Variants in PTPRN2 observed in about 807,000 individuals in gnomAD.
PTPRN2 encodes receptor-type tyrosine-protein phosphatase N2.
PTPRN2 carries 74 observed loss-of-function variants against 118.8 expected under a neutral mutation model. That is an observed-to-expected ratio of 0.62 (90% CI 0.52 to 0.76). PTPRN2 has a LOEUF of 0.76. Ranked by LOEUF, PTPRN2 falls within the 30% of genes least tolerant of loss-of-function variation. The pLI, the probability that PTPRN2 is intolerant of heterozygous loss-of-function variation, is 0.00. For synonymous variants in PTPRN2, 641 were observed against 608.0 expected (o/e 1.05, Z -0.80); for missense variants, 1,481 against 1,394.4 (o/e 1.06, Z -0.99).
chr7:157,757,971 C>T (rs1199964728), intron 12 of PTPRN2, among the ~76,000 whole-genome samples: 1 of 151,840 alleles, frequency 6.6e-6, no homozygotes. Flanking sequence ...GGCAGCACCA[C>T]GTGGTGGATC....
At chr7:158,420,339 T>A (rs1382025204) in intron 2 of PTPRN2, among the ~76,000 whole-genome samples, 1 of 152,142 alleles carries the variant, frequency 6.6e-6, no homozygotes, top group Non-Finnish European at 1.5e-5. Context: ...TGACCACGGG[T>A]TACCTTGGAT....
intron 5 of PTPRN2, among the ~76,000 whole-genome samples, chr7:158,177,378 C>G (rs1457553976): frequency 6.6e-6 from 1 of 152,046 alleles, no homozygotes; most frequent in Non-Finnish European, 1.5e-5. Context: ...TATGAAGTAT[C>G]CGTTCAAAGT....
intron 1 of PTPRN2, among the ~76,000 whole-genome samples, chr7:158,523,676 A>G (rs1298729499): frequency 7.0e-6 from 1 of 141,946 alleles, no homozygotes; most frequent in Admixed American, 7.1e-5. Flanking sequence ...TCTGCCCTGG[A>G]GCGGAGTCGT....
chr7:158,445,466 AG>A (rs770604306), intron 2 of PTPRN2, among the ~76,000 whole-genome samples: 8 of 152,142 alleles, frequency 5.3e-5, no homozygotes, highest in Non-Finnish European at 1.2e-4. Context: ...AGAAACCCCA[AG>A]GAGGCTCCTT....
At chr7:158,307,746 G>A (rs1326598694) in intron 3 of PTPRN2, among the ~76,000 whole-genome samples, 1 of 152,188 alleles carries the variant, frequency 6.6e-6, no homozygotes, top group Non-Finnish European at 1.5e-5. Flanking sequence ...CAAAACTCAT[G>A]TTGAAGTTTA....
At chr7:158,162,527 G>A (rs987875057) in intron 6 of PTPRN2, among the ~76,000 whole-genome samples, 1 of 152,102 alleles carries the variant, frequency 6.6e-6, no homozygotes, top group African/African-American at 2.4e-5. Flanking sequence ...TCCAACTCCA[G>A]GACATTCAGG....
chr7:157,928,451 C>T (rs1331886171), intron 11 of PTPRN2, among the ~76,000 whole-genome samples: 1 of 152,178 alleles, frequency 6.6e-6, no homozygotes, highest in Non-Finnish European at 1.5e-5. Flanking sequence ...GAACACTCTT[C>T]TTGTGATGGT....
At position 158,003,153 on chromosome 7, in the gene PTPRN2, G is replaced by A. The variant is rs1166850722; in HGVS notation, c.1723+78145C>T. 6.6e-6 allele frequency among the ~76,000 whole-genome samples: 1 copy of A among 152,158 alleles called. No individual in the cohort carries two copies. The highest frequency in any genetic ancestry group is 2.1e-4 in the South Asian group (1 of 4,824). On this transcript the variant is annotated intron_variant, in intron 11 of 22. Transcript: ENST00000389418. The surrounding 1 kb of genome is among the most constrained non-coding windows in gnomAD (Gnocchi z 5.0). ...GGTAAGGCCGGGCGCGGTGGCTCAC[G>A]CCTGTAATCCCAGCACTTTGGGAGG...
chr7:158,407,189 CCTGGGT>C (rs1813566894), intron 2 of PTPRN2, among the ~76,000 whole-genome samples: 1 of 27,002 alleles, frequency 3.7e-5, no homozygotes. Flanking sequence ...CGTCCTGGGT[CCTGGGT>C]CCTGGGTCCT....
chr7:157,877,966 C>G (rs960815104), intron 12 of PTPRN2, among the ~76,000 whole-genome samples: 1 of 152,186 alleles, frequency 6.6e-6, no homozygotes, highest in Admixed American at 6.5e-5. Context: ...TAATTAACAG[C>G]GCCCCAAGGA....
chr7:157,938,577 A>G (rs930290), intron 11 of PTPRN2, among the ~76,000 whole-genome samples: 58,666 of 151,818 alleles, frequency 0.39, 13,555 homozygotes, highest in East Asian at 0.63. Context: ...CCCAAAGGCA[A>G]GATGTGAACC....
chr7:158,389,635 C>T (rs1188243341), intron 2 of PTPRN2, among the ~76,000 whole-genome samples: 1 of 152,240 alleles, frequency 6.6e-6, no homozygotes, highest in Non-Finnish European at 1.5e-5. Context: ...TAACGGCTGC[C>T]GCCGTCACAA....
chr7:158,174,466 AT>A (rs1824004314), intron 5 of PTPRN2, among the ~76,000 whole-genome samples: 2 of 151,176 alleles, frequency 1.3e-5, no homozygotes, highest in African/African-American at 2.4e-5. Context: ...CACCTCAACC[AT>A]CAGCTTCCCA....
At chr7:157,846,797 C>G (rs1156330242) in intron 12 of PTPRN2, among the ~76,000 whole-genome samples, 1 of 149,328 alleles carries the variant, frequency 6.7e-6, no homozygotes, top group African/African-American at 2.5e-5. Context: ...CATGCGTGCC[C>G]GATATCTACA....
intron 10 of PTPRN2, among the ~76,000 whole-genome samples, chr7:158,109,390 A>C (rs1266334252): frequency 6.9e-6 from 1 of 144,252 alleles, no homozygotes; most frequent in East Asian, 2.1e-4. Flanking sequence ...TGTGAAGGAG[A>C]CAGTGAGTGA....
rs531098986 is a variant in PTPRN2, at chr7:157,603,596, G to C, written c.2418+406C>G. On this transcript the variant is annotated intron_variant, in intron 16 of 22. Coordinates refer to ENST00000389418, the MANE Select transcript of PTPRN2 (RefSeq NM_002847.5). The surrounding 1 kb of genome is among the most constrained non-coding windows in gnomAD (Gnocchi z 5.4). ...CCTGAAATTCTGGACCTGCCTCCAA[G>C]CCACTGATTGTTACAAAAAGCGTAG... is the stretch of plus-strand genomic sequence containing the variant. Among the ~76,000 whole-genome samples the C allele has an allele frequency of 4.6e-5, 7 of 152,308 alleles. No individual in the cohort carries two copies. In the East Asian group the frequency reaches 1.4e-3, roughly 29 times the overall value.
chr7:158,270,295 C>T (rs1798221430), intron 3 of PTPRN2, among the ~76,000 whole-genome samples: 1 of 152,204 alleles, frequency 6.6e-6, no homozygotes, highest in Non-Finnish European at 1.5e-5. Context: ...GCAGAAGGGC[C>T]AGCACAAAGG....
Position 158,065,219 on chromosome 7 carries a change from A to G in PTPRN2, c.1723+16079T>C, listed in dbSNP as rs117108619. On this transcript the variant is annotated intron_variant, in intron 11 of 22. Coordinates refer to ENST00000389418, the MANE Select transcript of PTPRN2 (RefSeq NM_002847.5). The stretch of plus-strand genomic sequence containing the variant: ...AGGAACACCAACGTCTCTCCTGGTC[A>G]TGGGCCCCAAGATGCACTCAGGCGT... Among the ~76,000 whole-genome samples the G allele has an allele frequency of 3.5e-3, 538 of 152,346 alleles. 13 individuals are homozygous for G. The East Asian group carries it at 0.048, about 14-fold the overall frequency.
chr7:158,160,316 T>C (rs1248483680), intron 6 of PTPRN2, among the ~76,000 whole-genome samples: 2 of 152,114 alleles, frequency 1.3e-5, no homozygotes, highest in African/African-American at 4.8e-5. Context: ...TCCAAACAGC[T>C]GGGGCCCAGA....
Sources: allele counts gnomAD v4.1 joint callset (sites outside exome capture counted in the v4.1 genomes callset), GRCh38; gene constraint gnomAD v4.1.1; non-coding constraint Gnocchi (gnomAD v3.1); transcripts MANE v1.5; gene names NCBI Gene and HGNC (gene_info 2026-07-23, HGNC 2026-07-21).